IL4R: variants seen among roughly 807,000 people sequenced by gnomAD.
The protein encoded by IL4R is interleukin 4 receptor.
IL4R carries 17 observed loss-of-function variants against 41.5 expected under a neutral mutation model. That is an observed-to-expected ratio of 0.41 (90% confidence interval 0.28 to 0.61). The LOEUF (loss-of-function observed/expected upper bound fraction) is 0.61. IL4R is among the 20% of genes least tolerant of loss of function. The pLI, the probability that IL4R is intolerant of heterozygous loss-of-function variation, is 0.31. For synonymous variants in IL4R, 402 were observed against 422.9 expected, an observed-to-expected ratio of 0.95 and a Z score of 0.61; for missense variants, 974 against 1,043.1, an observed-to-expected ratio of 0.93 and a Z score of 0.91.
chr16:27,340,136 C>A, intron 2 of IL4R, 50 bp from the exon 3 acceptor site: 2 of 1,223,464 alleles, frequency 1.6e-6, no homozygotes, highest in Non-Finnish European at 2.4e-6. Context: ...ATAAGATGAG[C>A]TCTGCTGGAA....
At chr16:27,321,400 C>A (rs2141059687) in intron 1 of IL4R, among the ~76,000 whole-genome samples, 1 of 152,308 alleles carries the variant, frequency 6.6e-6, no homozygotes, top group Admixed American at 6.5e-5. Context: ...ATAAGTTTGG[C>A]CTGCCTTGGC....
At chr16:27,318,884 G>C (rs1215995026) in intron 1 of IL4R, 2 of 152,232 alleles carry the variant, frequency 1.3e-5, no homozygotes, top group African/African-American at 2.4e-5. Context: ...GCAAAGCAAA[G>C]TTGAACGTAA....
rs1230800713 is a variant in IL4R at position 27,362,296 on chromosome 16, A to G, written c.944A>G (p.Glu315Gly). The change falls in exon 11 of 11, where the codon GAG (glutamate) becomes GGG (glycine). Residue 315 changes from glutamate to glycine, a missense_variant. Around this residue, in one of 3 missense-constraint regions of IL4R, gnomAD observed 682 missense variants for 704.3 expected, o/e 0.97. Transcript: ENST00000395762. ...ACCAAGCTCTTGCCCTGTTTTCTGG[A>G]GCACAACATGAAAAGGGATGAAGAT... is the stretch of plus-strand genomic sequence containing the variant. ...CLTKLLPCFL[E>G]HNMKRDEDPH... is the part of the protein sequence containing the mutation. 6.2e-7 allele frequency: 1 copy of G among 1,614,128 alleles called. No homozygotes were observed. The highest frequency in any genetic ancestry group is 8.5e-7 in the Non-Finnish European group (1 of 1,180,008).
chr16:27,343,414 T>G (rs1335136259), intron 4 of IL4R, among the ~76,000 whole-genome samples: 1 of 148,894 alleles, frequency 6.7e-6, no homozygotes, highest in East Asian at 1.9e-4. Context: ...TTATGTTTTT[T>G]GTTTGTTTGT....
At chr16:27,328,424 G>A (rs538285596) in intron 1 of IL4R, among the ~76,000 whole-genome samples, 20 of 151,866 alleles carry the variant, frequency 1.3e-4, no homozygotes, top group Non-Finnish European at 2.4e-4. Flanking sequence ...GCTAATTTTT[G>A]TATTTTTGTA....
chr16:27,336,386 G>A (rs965378029), intron 2 of IL4R, among the ~76,000 whole-genome samples: 2 of 152,104 alleles, frequency 1.3e-5, no homozygotes, highest in Non-Finnish European at 2.9e-5. Flanking sequence ...GCACGCGTAA[G>A]GGAGGAAGGG....
intron 1 of IL4R, among the ~76,000 whole-genome samples, chr16:27,323,077 A>T (rs922562117): frequency 2.6e-5 from 4 of 152,146 alleles, no homozygotes; most frequent in Non-Finnish European, 5.9e-5. Flanking sequence ...AGACAACAGG[A>T]AGAGCTCCAT....
intron 1 of IL4R, among the ~76,000 whole-genome samples, chr16:27,328,073 G>T (rs934814930): frequency 1.3e-5 from 2 of 151,794 alleles, no homozygotes; most frequent in African/African-American, 4.8e-5. Context: ...AGCCAGGTGT[G>T]ATGGCGTGCT....
intron 1 of IL4R, among the ~76,000 whole-genome samples, chr16:27,325,752 G>A (rs1364630983): frequency 6.6e-6 from 1 of 151,950 alleles, no homozygotes. Flanking sequence ...TGTATGTCGG[G>A]CCCCTCCCCG....
intron 2 of IL4R, among the ~76,000 whole-genome samples, chr16:27,331,699 T>A (rs2085115899): frequency 6.6e-6 from 1 of 152,142 alleles, no homozygotes; most frequent in Non-Finnish European, 1.5e-5. Flanking sequence ...TTGACAGCAC[T>A]GTTCAAGTCA....
At chr16:27,313,900 G>C, upstream of IL4R, 1 of 984,658 alleles carries the variant, frequency 1.0e-6, no homozygotes, top group Non-Finnish European at 1.2e-6. Context: ...CAGGAAGCCG[G>C]GGCGGGCTGG....
chr16:27,324,505 C>T (rs112862700), intron 1 of IL4R, among the ~76,000 whole-genome samples: 145 of 152,276 alleles, frequency 9.5e-4, no homozygotes, highest in African/African-American at 3.1e-3. Context: ...TGAGCGGGAT[C>T]GACACTGGCC....
chr16:27,352,502 C>T (rs1567328389), intron 6 of IL4R, 38 bp from the exon 7 acceptor site: 1 of 1,603,422 alleles, frequency 6.2e-7, no homozygotes, highest in Non-Finnish European at 8.5e-7. Flanking sequence ...GCCCCTCGCC[C>T]CCGGCTGGTG....
Position 27,340,233 on chromosome 16 carries a change from C to G in IL4R, c.30C>G (p.Phe10Leu). 1 of 1,613,974 alleles carries G rather than the reference C, an allele frequency of 6.2e-7. No homozygotes were observed. The highest frequency in any genetic ancestry group is 8.5e-7 in the Non-Finnish European group (1 of 1,179,954). The change falls in exon 3 of 11, where the codon TTC becomes TTG. Residue 10 changes from phenylalanine (F) to leucine (L), a missense_variant. By Grantham distance (22) the Phe-to-Leu change is conservative. Around this residue, in one of 3 missense-constraint regions of IL4R, gnomAD observed 284 missense variants for 313.4 expected, o/e 0.91. Transcript: ENST00000395762. Reference protein sequence around the residue: MGWLCSGLLFPVSCLVLLQV... With the variant: MGWLCSGLLLPVSCLVLLQV... ...GGTGGCTTTGCTCTGGGCTCCTGTT[C>G]CCTGTGAGCTGCCTGGTCCTGCTGC...
chr16:27,341,292 C>A, intron 3 of IL4R: 2 of 615,814 alleles, frequency 3.2e-6, no homozygotes, highest in Non-Finnish European at 5.9e-6. Flanking sequence ...TTCTGAAATG[C>A]AGAAGGATGC....
chr16:27,325,775 T>C (rs1322821271), intron 1 of IL4R, among the ~76,000 whole-genome samples: 2 of 151,938 alleles, frequency 1.3e-5, no homozygotes, highest in East Asian at 1.9e-4. Flanking sequence ...AGAACTCTGG[T>C]GCATCCCCGA....
chr16:27,326,694 C>T (rs949353855), intron 1 of IL4R, among the ~76,000 whole-genome samples: 1 of 152,120 alleles, frequency 6.6e-6, no homozygotes, highest in South Asian at 2.1e-4. Context: ...AAGTGAGGTA[C>T]TTGAGCAAGT....
In IL4R at chr16:27,345,527, A is replaced by C. The variant is rs1258952208; in HGVS notation, c.361+507A>C. 2 of 242,114 alleles carry C rather than the reference A, an allele frequency of 8.3e-6. No individual in the cohort carries two copies. The highest frequency in any genetic ancestry group is 1.7e-5 in the Non-Finnish European group (2 of 119,138). 15.0% of individuals were successfully genotyped at this position (242,114 alleles called of 1,614,324 possible). ...AGTGATGCATGATATGACATGCATCACAGGAATAAAAACCTGAGGTCTCAT... is the reference window on the plus strand; with the variant it reads ...AGTGATGCATGATATGACATGCATCCCAGGAATAAAAACCTGAGGTCTCAT... On this transcript the variant is annotated intron_variant, in intron 5 of 10. Coordinates refer to ENST00000395762, the MANE Select transcript of IL4R (RefSeq NM_000418.4). The surrounding 1 kb of genome is among the most constrained non-coding windows in gnomAD (Gnocchi z 4.5).
intron 9 of IL4R, among the ~76,000 whole-genome samples, chr16:27,359,390 A>C (rs774253188): frequency 6.6e-6 from 1 of 152,164 alleles, no homozygotes; most frequent in East Asian, 1.9e-4. Flanking sequence ...ACTGCCCCCG[A>C]AGCACTAGCA....
Sources: gnomAD v4.1 joint callset for allele counts (sites outside exome capture counted in the v4.1 genomes callset) on GRCh38, gnomAD v4.1.1 for gene constraint, gnomAD v4.1.1 regional missense constraint, Gnocchi (gnomAD v3.1) non-coding constraint, MANE v1.5 for transcripts, NCBI Gene and HGNC (gene_info 2026-07-23, HGNC 2026-07-21) for gene names.